Variants in ZNF136 observed in about 807,000 individuals in gnomAD.
The protein encoded by ZNF136 is zinc finger protein 136 (clone pHZ-20).
In ZNF136, 8 loss-of-function variants were observed where a neutral mutation model predicts 11.4. That is an observed-to-expected ratio of 0.70 (90% CI 0.41 to 1.27). ZNF136 has a LOEUF of 1.27. Among genes scored for constraint, ZNF136 ranks in the 50% most tolerant of loss-of-function variants. The pLI, the probability that ZNF136 is intolerant of heterozygous loss-of-function variation, is 0.01. For missense variants in ZNF136, 590 were observed against 656.5 expected (o/e 0.90, Z 1.11); for synonymous variants, 190 against 207.1 (o/e 0.92, Z 0.71).
intron 1 of ZNF136, among the ~76,000 whole-genome samples, chr19:12,171,215 G>A (rs1435337312): frequency 1.4e-4 from 21 of 151,710 alleles, no homozygotes; most frequent in Non-Finnish European, 2.9e-5. Flanking sequence ...TCTTGACCTC[G>A]TGATCTGCCT....
intron 1 of ZNF136, among the ~76,000 whole-genome samples, chr19:12,178,979 ACT>A (rs1450752909): frequency 2.6e-5 from 4 of 151,436 alleles, no homozygotes; most frequent in Admixed American, 2.0e-4. Context: ...GCAGAATGAG[ACT>A]CTGTCTCACA....
intron 1 of ZNF136, among the ~76,000 whole-genome samples, chr19:12,182,133 C>T (rs537320676): frequency 6.6e-5 from 10 of 152,190 alleles, no homozygotes; most frequent in Non-Finnish European, 1.0e-4. Flanking sequence ...ATCATTTTTG[C>T]AGAAGGCAGT....
At chr19:12,170,319 T>C (rs1295684183) in intron 1 of ZNF136, among the ~76,000 whole-genome samples, 1 of 152,180 alleles carries the variant, frequency 6.6e-6, no homozygotes, top group Non-Finnish European at 1.5e-5. Flanking sequence ...CTGCTTGATT[T>C]GAGTTGTTAG....
At chr19:12,169,888 G>A (rs1292007434) in intron 1 of ZNF136, among the ~76,000 whole-genome samples, 3 of 151,916 alleles carry the variant, frequency 2.0e-5, no homozygotes, top group African/African-American at 4.8e-5. Context: ...TCTGCCTCCC[G>A]GGTTGACGCC....
intron 1 of ZNF136, among the ~76,000 whole-genome samples, chr19:12,165,926 T>C (rs1977178956): frequency 6.6e-6 from 1 of 152,118 alleles, no homozygotes; most frequent in Non-Finnish European, 1.5e-5. Context: ...AACTGGAAGG[T>C]CAATAAAATT....
At chr19:12,176,928 G>A (rs1914810478) in intron 1 of ZNF136, among the ~76,000 whole-genome samples, 2 of 152,156 alleles carry the variant, frequency 1.3e-5, no homozygotes, top group Admixed American at 6.5e-5. Context: ...GTGACAAAGT[G>A]TGAGTGATTT....
At position 12,186,785 on chromosome 19, in the gene ZNF136, G is replaced by A. The variant is rs745946925; in HGVS notation, c.407G>A (p.Gly136Glu). The A allele has an allele frequency of 3.1e-6, 5 of 1,614,174 alleles. No individual in the cohort carries two copies. Among genetic ancestry groups the A allele is most frequent in the Admixed American group, 1.7e-5 (1 of 60,014 alleles). Residue 136 changes from glycine to glutamate, a missense_variant, in exon 4 of 4, where the codon GGA (glycine) becomes GAA (glutamate). Physicochemically the swap from Gly to Glu is moderately conservative, Grantham distance 98 (BLOSUM62 -2). Coordinates refer to ENST00000343979, the MANE Select transcript of ZNF136 (RefSeq NM_003437.5). Reference protein sequence around the residue: ...GHEPKEYQEYGEKPDTRNQCW... With the variant: ...GHEPKEYQEYEEKPDTRNQCW... Reference sequence around the variant, plus strand: ...GAACCAAAGGAATATCAGGAATATGGAGAGAAGCCAGATACACGTAACCAG... The same window carrying A: ...GAACCAAAGGAATATCAGGAATATGAAGAGAAGCCAGATACACGTAACCAG...
chr19:12,177,781 T>C (rs1914838173), intron 1 of ZNF136, among the ~76,000 whole-genome samples: 1 of 152,242 alleles, frequency 6.6e-6, no homozygotes, highest in African/African-American at 2.4e-5. Flanking sequence ...ATTTGCTCTT[T>C]TCAGAAATGT....
intron 1 of ZNF136, among the ~76,000 whole-genome samples, chr19:12,184,263 C>T (rs1437213429): frequency 1.5e-5 from 2 of 133,476 alleles, no homozygotes; most frequent in African/African-American, 5.7e-5. Context: ...AAGACTCCAT[C>T]CAAAAAAAAA....
In ZNF136 at chr19:12,187,079, C is replaced by G. The variant is rs911871131; in HGVS notation, c.701C>G (p.Thr234Ser). The G allele has an allele frequency of 2.5e-6, 4 of 1,613,718 alleles. No homozygotes were observed. The South Asian group carries it at 4.4e-5, about 18-fold the overall frequency. ...TGTCAGGAATGTGGAAAAGCCTTCA[C>G]TTGTATCACAAGTGTTCGAAGACAC... ...YECQECGKAF[T>S]CITSVRRHMI... Residue 234 changes from threonine to serine, a missense_variant, in exon 4 of 4, where the codon ACT (threonine) becomes AGT (serine). Physicochemically the swap from Thr to Ser is moderately conservative, Grantham distance 58. Coordinates refer to ENST00000343979, the MANE Select transcript of ZNF136 (RefSeq NM_003437.5).
intron 1 of ZNF136, among the ~76,000 whole-genome samples, chr19:12,179,889 A>G (rs1246494469): frequency 6.6e-6 from 1 of 151,774 alleles, no homozygotes; most frequent in Non-Finnish European, 1.5e-5. Flanking sequence ...TTTTTGAGAC[A>G]GAGTCTGGCT....
At chr19:12,177,613 C>A (rs1914834718) in intron 1 of ZNF136, among the ~76,000 whole-genome samples, 1 of 152,168 alleles carries the variant, frequency 6.6e-6, no homozygotes, top group African/African-American at 2.4e-5. Context: ...TCCCAAAATG[C>A]TGGGATTACA....
At chr19:12,184,992 A>G (rs1915047447) in intron 1 of ZNF136, 2 of 152,222 alleles carry the variant, frequency 1.3e-5, no homozygotes, top group South Asian at 4.1e-4. Flanking sequence ...GAAGAATTCA[A>G]GGGCAGGCCA....
chr19:12,166,239 G>GA (rs533656548), intron 1 of ZNF136, among the ~76,000 whole-genome samples: 109 of 149,484 alleles, frequency 7.3e-4, no homozygotes, highest in Non-Finnish European at 1.4e-3. Flanking sequence ...AAAAAAAAAA[G>GA]AAAAAAAATT....
chr19:12,171,714 C>A (rs1914658016), intron 1 of ZNF136, among the ~76,000 whole-genome samples: 1 of 151,516 alleles, frequency 6.6e-6, no homozygotes, highest in Non-Finnish European at 1.5e-5. Flanking sequence ...GCTTTTTTGG[C>A]CGCCTTCTGC....
intron 1 of ZNF136, among the ~76,000 whole-genome samples, chr19:12,166,071 T>C (rs548460968): frequency 2.0e-5 from 3 of 151,960 alleles, no homozygotes; most frequent in South Asian, 4.2e-4. Context: ...CTGCTAAAAA[T>C]ACAAAAATTA....
At chr19:12,165,306 C>T (rs2145624704) in intron 1 of ZNF136, among the ~76,000 whole-genome samples, 1 of 152,314 alleles carries the variant, frequency 6.6e-6, no homozygotes, top group East Asian at 1.9e-4. Context: ...ATGACCTCTG[C>T]TGACACTGGA....
At chr19:12,175,781 A>G (rs1914775834) in intron 1 of ZNF136, among the ~76,000 whole-genome samples, 1 of 152,138 alleles carries the variant, frequency 6.6e-6, no homozygotes, top group African/African-American at 2.4e-5. Flanking sequence ...GATTGTCCTA[A>G]AAACCCTCTC....
intron 2 of ZNF136, 65 bp from the exon 3 acceptor site, chr19:12,186,049 C>G (rs931469188): frequency 4.2e-5 from 67 of 1,590,222 alleles, no homozygotes; most frequent in Non-Finnish European, 4.5e-5. Flanking sequence ...TATCATGAAC[C>G]TAGAATCTAA....
Sources: allele counts gnomAD v4.1 joint callset (sites outside exome capture counted in the v4.1 genomes callset), GRCh38; gene constraint gnomAD v4.1.1; transcripts MANE v1.5; gene names NCBI Gene and HGNC (gene_info 2026-07-23, HGNC 2026-07-21).